RAD54B: variants seen among roughly 807,000 people sequenced by gnomAD.
RAD54B encodes the protein DNA repair and recombination protein RAD54B.
A neutral mutation model predicts 95.8 loss-of-function variants in RAD54B; 78 were observed. That is an observed-to-expected ratio of 0.81 (90% CI 0.68 to 0.98). RAD54B has a LOEUF of 0.98. RAD54B is among the 50% of genes least tolerant of loss of function. RAD54B has a pLI of 0.00. For synonymous variants in RAD54B, 328 were observed against 354.9 expected (o/e 0.92, Z 0.85); for missense variants, 957 against 1,056.6 (o/e 0.91, Z 1.31).
chr8:94,436,757 C>G, intron 3 of RAD54B: 1 of 1,550,594 alleles, frequency 6.4e-7, no homozygotes, highest in African/African-American at 1.4e-5. Context: ...TCTACTATTA[C>G]TGAATGTTTA....
intron 14 of RAD54B, among the ~76,000 whole-genome samples, chr8:94,372,624 C>T (rs918665967): frequency 6.6e-6 from 1 of 152,076 alleles, no homozygotes; most frequent in Non-Finnish European, 1.5e-5. Flanking sequence ...CTTCAAGGAC[C>T]TTACAGTCTA....
At chr8:94,389,907 T>C (rs1047752196) in intron 10 of RAD54B, among the ~76,000 whole-genome samples, 1 of 152,226 alleles carries the variant, frequency 6.6e-6, no homozygotes, top group Admixed American at 6.5e-5. Flanking sequence ...TCTTCAAGAA[T>C]GTACAAACAT....
At chr8:94,455,275 T>G (rs1048971150) in intron 3 of RAD54B, among the ~76,000 whole-genome samples, 1 of 152,230 alleles carries the variant, frequency 6.6e-6, no homozygotes, top group Non-Finnish European at 1.5e-5. Flanking sequence ...CTACTTGACT[T>G]CCCTGAAGCA....
At chr8:94,434,393 T>C (rs1040670320) in intron 3 of RAD54B, among the ~76,000 whole-genome samples, 1 of 151,770 alleles carries the variant, frequency 6.6e-6, no homozygotes. Context: ...AGAGAAGGAC[T>C]TGAGAATCAG....
At chr8:94,422,620 ATATATATATATAT>A (rs1811845957) in intron 3 of RAD54B, among the ~76,000 whole-genome samples, 4 of 42,338 alleles carry the variant, frequency 9.4e-5, no homozygotes, top group African/African-American at 3.3e-4. Context: ...AAAAAAAAAT[ATATATATATATAT>A]ATATATATAT....
chr8:94,410,498 C>T (rs1163071988), intron 4 of RAD54B, among the ~76,000 whole-genome samples: 1 of 152,020 alleles, frequency 6.6e-6, no homozygotes, highest in Admixed American at 6.6e-5. Flanking sequence ...ACATGTAGAA[C>T]AGATTTTATA....
chr8:94,425,061 C>CAAAAA (rs71273335), intron 3 of RAD54B, among the ~76,000 whole-genome samples: 20,205 of 81,552 alleles, frequency 0.25, 2,324 homozygotes, highest in East Asian at 0.33. Flanking sequence ...GACCCCATCT[C>CAAAAA]AAAAAAAAAA....
rs1388168124 is a variant in RAD54B, at chr8:94,428,826, C to G, written c.305-17511G>C. The G allele has an allele frequency of 5.1e-6, 5 of 984,800 alleles. No homozygotes were observed. In the Admixed American group the frequency reaches 3.1e-4, roughly 61 times the overall value. The allele number at this position is 984,800 out of a possible 1,614,324, so 61.0% of individuals were successfully genotyped here. A position where few individuals can be genotyped will look rare whatever the true frequency, so the allele number is the denominator to read the frequency against. On this transcript the variant is annotated intron_variant, in intron 3 of 14. Coordinates refer to ENST00000336148, the MANE Select transcript of RAD54B (RefSeq NM_012415.3). ...CTGCTAATGTTAGTTGGTAAGTAGT[C>G]CCCTAACTCAAAAAAGTCTCAATAC...
In RAD54B at chr8:94,391,664, A is replaced by G. The variant is rs748945909; in HGVS notation, c.1754T>C (p.Ile585Thr). The G allele has an allele frequency of 1.2e-6, 2 of 1,613,960 alleles. No individual in the cohort carries two copies. The highest frequency in any genetic ancestry group is 1.1e-5 in the South Asian group (1 of 91,062). Residue 585 changes from isoleucine (I) to threonine (T), a missense_variant, in exon 10 of 15, where the codon ATA becomes ACA. Transcript: ENST00000336148. The part of the protein sequence containing the change: ...LLENSPHLIC[I>T]GALKKLCNHP... ...ATTGCACAGTTTTTTAAGAGCTCCT[A>G]TACATATTAGATGGGGACTATTTTC...
intron 3 of RAD54B, among the ~76,000 whole-genome samples, chr8:94,425,468 G>A (rs900200421): frequency 6.6e-6 from 1 of 151,980 alleles, no homozygotes; most frequent in Non-Finnish European, 1.5e-5. Context: ...TACTCTTGCA[G>A]ATCATGTTTT....
rs1351002269 is a variant in RAD54B, at chr8:94,421,743, G to A, written c.305-10428C>T. On this transcript the variant is annotated intron_variant, in intron 3 of 14. Transcript: ENST00000336148. ...TCCAGACAATTCTGCCCCCTACCAG[G>A]TTTTCAAAGCTATGTATTGTATCCT... Among the ~76,000 whole-genome samples the A allele has an allele frequency of 3.2e-4, 48 of 152,082 alleles. 1 individual carries two copies. The highest frequency in any genetic ancestry group is 3.1e-3 in the Admixed American group (48 of 15,274).
intron 11 of RAD54B, among the ~76,000 whole-genome samples, chr8:94,380,933 C>T (rs1180061401): frequency 6.6e-6 from 1 of 152,064 alleles, no homozygotes; most frequent in Admixed American, 6.6e-5. Context: ...ACTTTTCTTT[C>T]CCAAATAAAG....
chr8:94,423,197 C>T (rs1213089812), intron 3 of RAD54B, among the ~76,000 whole-genome samples: 1 of 152,094 alleles, frequency 6.6e-6, no homozygotes, highest in African/African-American at 2.4e-5. Flanking sequence ...TCCTGGCTAA[C>T]ATGGTGAAAC....
intron 3 of RAD54B, among the ~76,000 whole-genome samples, chr8:94,424,375 AAACAC>A (rs1811892414): frequency 6.6e-6 from 1 of 152,318 alleles, no homozygotes; most frequent in Admixed American, 6.5e-5. Context: ...AATATATGTA[AAACAC>A]AACAGTATTT....
In RAD54B at chr8:94,385,073, G is replaced by C. The variant is rs567364516; in HGVS notation, c.1985+1911C>G. Among the ~76,000 whole-genome samples, 15 of 152,092 alleles carry C rather than the reference G, an allele frequency of 9.9e-5. No homozygotes were observed. The East Asian group carries it at 2.3e-3, about 24-fold the overall frequency. ...GGCTGAGGTCACACCACTGCACTCCGGCCTGTGCCCCAGAGTGAGACCCTA... is the reference window on the plus strand; with the variant it reads ...GGCTGAGGTCACACCACTGCACTCCCGCCTGTGCCCCAGAGTGAGACCCTA... On this transcript the variant is annotated intron_variant, in intron 11 of 14. Transcript: ENST00000336148.
chr8:94,436,456 G>A, intron 3 of RAD54B: 1 of 1,488,568 alleles, frequency 6.7e-7, no homozygotes, highest in Non-Finnish European at 8.9e-7. Context: ...TAGATAGGAG[G>A]CGCCATAATT....
At chr8:94,436,490 C>T (rs887814872) in intron 3 of RAD54B, 7 of 1,534,674 alleles carry the variant, frequency 4.6e-6, no homozygotes, top group Non-Finnish European at 5.3e-6. Flanking sequence ...CAAAATAAAG[C>T]TTACCTTTGT....
At chr8:94,436,837 GTAAAAT>G (rs1340263768) in intron 3 of RAD54B, 1 of 1,541,040 alleles carries the variant, frequency 6.5e-7, no homozygotes, top group Non-Finnish European at 8.7e-7. Flanking sequence ...TTCGGATAAG[GTAAAAT>G]TGGAAGATCT....
intron 3 of RAD54B, among the ~76,000 whole-genome samples, chr8:94,457,211 A>T (rs1474612369): frequency 6.6e-6 from 1 of 152,198 alleles, no homozygotes; most frequent in Non-Finnish European, 1.5e-5. Flanking sequence ...TAGTCACCTA[A>T]CAAGGATGGA....
Sources: allele counts gnomAD v4.1 joint callset (sites outside exome capture counted in the v4.1 genomes callset), GRCh38; gene constraint gnomAD v4.1.1; transcripts MANE v1.5; gene names NCBI Gene and HGNC (gene_info 2026-07-23, HGNC 2026-07-21).